The following PXDNL variants were observed in gnomAD, a reference collection of about 807,000 sequenced individuals.
PXDNL encodes probable oxidoreductase PXDNL.
In PXDNL, 145 loss-of-function variants were observed where a neutral mutation model predicts 150.8. The ratio of observed to expected loss-of-function variants is 0.96; its 90% CI spans 0.84 to 1.10. The LOEUF (loss-of-function observed/expected upper bound fraction) is 1.10, where lower values mean the gene tolerates loss of function less well. Ranked by LOEUF, PXDNL falls within the 50% of genes least tolerant of loss-of-function variation. The pLI is 0.00. For synonymous variants in PXDNL, 757 were observed against 725.7 expected (o/e 1.04, Z -0.69); for missense variants, 2,087 against 1,873.9 (o/e 1.11, Z -2.10).
At chr8:51,633,961 T>C (rs778941889) in intron 2 of PXDNL, among the ~76,000 whole-genome samples, 1 of 152,214 alleles carries the variant, frequency 6.6e-6, no homozygotes, top group Non-Finnish European at 1.5e-5. Flanking sequence ...TTTCTTTTGT[T>C]ATGGAGGAGC....
chr8:51,632,522 G>A (rs1485391463), intron 2 of PXDNL, among the ~76,000 whole-genome samples: 1 of 152,176 alleles, frequency 6.6e-6, no homozygotes, highest in African/African-American at 2.4e-5. Context: ...AGGATCATGT[G>A]AGCCAAGAGT....
chr8:51,471,071 A>G (rs537418168), intron 8 of PXDNL, among the ~76,000 whole-genome samples: 10 of 135,438 alleles, frequency 7.4e-5, no homozygotes, highest in Non-Finnish European at 1.6e-4. Flanking sequence ...ATGGGAGAAG[A>G]TTTTTGCAAT....
chr8:51,608,669 T>C (rs28709557), intron 2 of PXDNL, among the ~76,000 whole-genome samples: 26,275 of 142,938 alleles, frequency 0.18, 2,790 homozygotes, highest in East Asian at 0.28. Flanking sequence ...AACCCCGTCT[T>C]TACTAAAAAT....
chr8:51,442,315 G>C (rs2129893072), intron 12 of PXDNL, among the ~76,000 whole-genome samples: 1 of 149,004 alleles, frequency 6.7e-6, no homozygotes, highest in East Asian at 2.0e-4. Context: ...AGCCCTCCTT[G>C]ATTCTGGTTC....
At position 51,517,144 on chromosome 8, in the gene PXDNL, T is replaced by A. The variant is rs148450600; in HGVS notation, c.381-17374A>T. Among the ~76,000 whole-genome samples, 343 of 152,234 alleles carry A rather than the reference T, an allele frequency of 2.3e-3. 1 individual carries two copies. The highest frequency in any genetic ancestry group is 7.7e-3 in the African/African-American group (318 of 41,560). On this transcript the variant is annotated intron_variant, in intron 4 of 22. Coordinates refer to ENST00000356297, the MANE Select transcript of PXDNL (RefSeq NM_144651.5). ...TGAATATTATATTTGCCCGGATAAC[T>A]TTTTTAAAAAATCTAGATTTTTTAG...
chr8:51,667,436 C>A (rs145127756), intron 1 of PXDNL, among the ~76,000 whole-genome samples: 1 of 152,216 alleles, frequency 6.6e-6, no homozygotes, highest in African/African-American at 2.4e-5. Context: ...TAACTTTACA[C>A]GTGGTGAAAA....
chr8:51,760,457 T>C (rs1406049989), intron 1 of PXDNL, among the ~76,000 whole-genome samples: 1 of 152,206 alleles, frequency 6.6e-6, no homozygotes, highest in East Asian at 1.9e-4. Context: ...CCTTGGAAAT[T>C]TGTCAGAGTG....
intron 5 of PXDNL, among the ~76,000 whole-genome samples, chr8:51,488,155 T>C (rs1810810392): frequency 6.6e-6 from 1 of 152,190 alleles, no homozygotes; most frequent in African/African-American, 2.4e-5. Flanking sequence ...ACCAGGATGC[T>C]TAATAAGAAA....
intron 3 of PXDNL, among the ~76,000 whole-genome samples, chr8:51,576,463 AT>A (rs1239437184): frequency 6.6e-6 from 1 of 151,920 alleles, no homozygotes; most frequent in Non-Finnish European, 1.5e-5. Context: ...CTAAAAAAAA[AT>A]CGGACTAAAT....
intron 19 of PXDNL, among the ~76,000 whole-genome samples, chr8:51,348,202 G>A (rs1806220912): frequency 6.6e-6 from 1 of 152,240 alleles, no homozygotes; most frequent in East Asian, 1.9e-4. Flanking sequence ...AAAATATAGA[G>A]AAAAGGCTCT....
chr8:51,408,371 G>C lies in PXDNL; in HGVS notation c.3253C>G (p.Leu1085Val), dbSNP rs781169573. 6.2e-7 allele frequency: 1 copy of C among 1,614,060 alleles called. No homozygotes were observed. ...SEGHLPFHKALFSPSRIIKEG... is the reference protein window; with the variant it reads ...SEGHLPFHKAVFSPSRIIKEG... ...TTGATTATTCTGGACGGTGAAAAGA[G>C]CGCTTTATGGAACGGAAGGTGGCCT... The change falls in exon 17 of 23, where the codon CTC (leucine) becomes GTC (valine). Residue 1085 changes from leucine (L) to valine (V), a missense_variant. Physicochemically the swap from Leu to Val is conservative, Grantham distance 32. Transcript: ENST00000356297.
intron 2 of PXDNL, among the ~76,000 whole-genome samples, chr8:51,637,470 G>A (rs1266353161): frequency 2.0e-5 from 3 of 152,146 alleles, no homozygotes; most frequent in Admixed American, 6.6e-5. Context: ...TTAGACGAAT[G>A]GCTAACTAGA....
At chr8:51,530,322 T>G (rs963398961) in intron 4 of PXDNL, among the ~76,000 whole-genome samples, 1 of 152,104 alleles carries the variant, frequency 6.6e-6, no homozygotes, top group Non-Finnish European at 1.5e-5. Context: ...ATAAATCCAT[T>G]TGTTCATGAC....
intron 4 of PXDNL, among the ~76,000 whole-genome samples, chr8:51,523,681 C>A (rs1427325679): frequency 2.0e-5 from 3 of 152,170 alleles, no homozygotes; most frequent in Admixed American, 2.0e-4. Flanking sequence ...CTGCAAACTG[C>A]ACCTGCTTTT....
In PXDNL at chr8:51,436,209, G is replaced by A. The variant is rs899771736; in HGVS notation, c.1526-9451C>T. The A allele has an allele frequency of 1.9e-5, 10 of 521,800 alleles. No homozygotes were observed. In the African/African-American group the frequency reaches 1.9e-4, roughly 10 times the overall value. 32.3% of individuals were successfully genotyped at this position (521,800 alleles called of 1,614,324 possible). On this transcript the variant is annotated intron_variant, in intron 12 of 22. Coordinates refer to ENST00000356297, the MANE Select transcript of PXDNL (RefSeq NM_144651.5). ...ATCATCCCAAAAGCCAACCATTCGT[G>A]GGCCATGTGTTGACTTTCACCATTT...
At chr8:51,686,759 T>C (rs1815884784) in intron 1 of PXDNL, among the ~76,000 whole-genome samples, 1 of 152,080 alleles carries the variant, frequency 6.6e-6, no homozygotes, top group Admixed American at 6.6e-5. Flanking sequence ...TTTGTGGGCA[T>C]AAAAAATGAA....
intron 1 of PXDNL, among the ~76,000 whole-genome samples, chr8:51,802,974 G>A (rs1318767779): frequency 6.6e-6 from 1 of 152,226 alleles, no homozygotes; most frequent in African/African-American, 2.4e-5. Context: ...TGTGAAAGAT[G>A]TCTAAGCAAA....
intron 21 of PXDNL, 114 bp downstream of exon 21, chr8:51,339,510 G>T: frequency 9.1e-7 from 1 of 1,100,636 alleles, no homozygotes; most frequent in Non-Finnish European, 1.3e-6. Flanking sequence ...CCCTGTATAG[G>T]TTTTTATTAT....
At chr8:51,474,249 C>T (rs1440598806) in intron 7 of PXDNL, among the ~76,000 whole-genome samples, 1 of 152,130 alleles carries the variant, frequency 6.6e-6, no homozygotes, top group Admixed American at 6.5e-5. Flanking sequence ...CATGCACACA[C>T]ACACACGAAG....
Sources: allele counts gnomAD v4.1 joint callset (sites outside exome capture counted in the v4.1 genomes callset), GRCh38; gene constraint gnomAD v4.1.1; transcripts MANE v1.5; gene names NCBI Gene and HGNC (gene_info 2026-07-23, HGNC 2026-07-21).